HAPLN1: variants seen among roughly 807,000 people sequenced by gnomAD.
HAPLN1 encodes hyaluronan and proteoglycan link protein 1.
A neutral mutation model predicts 36.5 loss-of-function variants in HAPLN1; 13 were observed. The ratio of observed to expected loss-of-function variants is 0.36; its 90% CI spans 0.23 to 0.57. The LOEUF (loss-of-function observed/expected upper bound fraction) is 0.57. Ranked by LOEUF, HAPLN1 falls within the 20% of genes least tolerant of loss-of-function variation. The pLI is 0.83. For missense variants in HAPLN1, 407 were observed against 439.7 expected, an observed-to-expected ratio of 0.93 and a Z score of 0.66; for synonymous variants, 202 against 169.8, an observed-to-expected ratio of 1.19 and a Z score of -1.48.
rs1456164521 is a variant in HAPLN1 at position 83,638,279 on chromosome 5, A to G, written c.*3217T>C. 1 of 151,952 alleles carries G rather than the reference A, an allele frequency of 6.6e-6. No individual in the cohort carries two copies. Among genetic ancestry groups the G allele is most frequent in the Non-Finnish European group, 1.5e-5 (1 of 67,896 alleles). 9.4% of individuals were successfully genotyped at this position (151,952 alleles called of 1,614,324 possible). A position where few individuals can be genotyped will look rare whatever the true frequency, so the allele number is the denominator to read the frequency against. On this transcript the variant is annotated 3_prime_UTR_variant, in exon 5 of 5. Transcript: ENST00000274341. ...CAAAACATTTTTTTTTTGGTAATAC[A>G]GATTGATTCTTCTCCTCAAAGTTAT...
intron 1 of HAPLN1, among the ~76,000 whole-genome samples, chr5:83,694,646 T>C (rs1278859820): frequency 1.3e-5 from 2 of 152,080 alleles, no homozygotes; most frequent in South Asian, 2.1e-4. Context: ...TTAAATGAAA[T>C]GGTGAAATTC....
At chr5:83,663,955 C>T (rs768241367) in intron 2 of HAPLN1, among the ~76,000 whole-genome samples, 2 of 152,112 alleles carry the variant, frequency 1.3e-5, no homozygotes, top group African/African-American at 2.4e-5. Context: ...CCATTATTCA[C>T]ATGGTCTTTT....
chr5:83,662,527 A>C (rs1750433372), intron 2 of HAPLN1, among the ~76,000 whole-genome samples: 1 of 152,220 alleles, frequency 6.6e-6, no homozygotes, highest in Non-Finnish European at 1.5e-5. Context: ...ATAATTATAG[A>C]GTGATTAAAG....
rs1234615839 is a variant in HAPLN1 at position 83,639,897 on chromosome 5, G to A, written c.*1599C>T. 1.3e-5 allele frequency: 2 copies of A among 151,942 alleles called. No individual in the cohort carries two copies. Among genetic ancestry groups the A allele is most frequent in the Admixed American group, 1.3e-4 (2 of 15,256 alleles). 9.4% of individuals were successfully genotyped at this position (151,942 alleles called of 1,614,324 possible). ...ATATGATTATAGTTATGGTTTCATG[G>A]ACTTCCAATTGTTCTATACCTTCCA... On this transcript the variant is annotated 3_prime_UTR_variant, in exon 5 of 5. Coordinates refer to ENST00000274341, the MANE Select transcript of HAPLN1 (RefSeq NM_001884.4).
intron 2 of HAPLN1, among the ~76,000 whole-genome samples, chr5:83,658,903 T>C (rs78095588): frequency 6.6e-6 from 1 of 152,132 alleles, no homozygotes; most frequent in South Asian, 2.1e-4. Flanking sequence ...CTTGAGTCTC[T>C]AGAAAGGAAG....
chr5:83,695,109 GA>G (rs1351546598), intron 1 of HAPLN1, among the ~76,000 whole-genome samples: 3 of 152,084 alleles, frequency 2.0e-5, no homozygotes, highest in African/African-American at 7.2e-5. Flanking sequence ...CTTTATATTA[GA>G]AAATCAATGT....
chr5:83,686,198 T>C (rs1407382938), intron 1 of HAPLN1, among the ~76,000 whole-genome samples: 1 of 147,292 alleles, frequency 6.8e-6, no homozygotes, highest in South Asian at 2.2e-4. Context: ...ATTACCGATC[T>C]CATTTCTTCC....
At chr5:83,654,712 G>A (rs1388986132) in intron 2 of HAPLN1, among the ~76,000 whole-genome samples, 1 of 152,130 alleles carries the variant, frequency 6.6e-6, no homozygotes, top group African/African-American at 2.4e-5. Flanking sequence ...TCTTTCAGTT[G>A]TTTAGTTCAA....
At chr5:83,662,723 T>C (rs151057735) in intron 2 of HAPLN1, among the ~76,000 whole-genome samples, 33 of 152,318 alleles carry the variant, frequency 2.2e-4, no homozygotes, top group African/African-American at 7.9e-4. Flanking sequence ...TCCTTAATTG[T>C]TGGAAATGTG....
chr5:83,698,860 T>C (rs1243340043), intron 1 of HAPLN1, among the ~76,000 whole-genome samples: 2 of 152,212 alleles, frequency 1.3e-5, no homozygotes, highest in Non-Finnish European at 2.9e-5. Flanking sequence ...GAATTTGAAC[T>C]TCATCAGCAT....
intron 4 of HAPLN1, among the ~76,000 whole-genome samples, chr5:83,643,055 G>A (rs535101455): frequency 8.5e-5 from 13 of 152,158 alleles, no homozygotes; most frequent in African/African-American, 2.2e-4. Flanking sequence ...CAGGCACAGC[G>A]GCTCACGTCT....
chr5:83,715,297 A>T (rs1307189497), intron 1 of HAPLN1, among the ~76,000 whole-genome samples: 10 of 152,244 alleles, frequency 6.6e-5, no homozygotes, highest in African/African-American at 2.4e-4. Flanking sequence ...TTCACAATTA[A>T]ATGTAGTCAA....
Position 83,645,475 on chromosome 5 carries a change from C to CT in HAPLN1, c.473-811dup. ...GTGATTTTCTTTTTTCTTTTTCTTT[C>CT]TTTTTTTTTTTTTTTTAGCTCATCA... is the stretch of plus-strand genomic sequence containing the variant. On this transcript the variant is annotated intron_variant, in intron 3 of 4. Coordinates refer to ENST00000274341, the MANE Select transcript of HAPLN1 (RefSeq NM_001884.4). 2.3e-4 allele frequency among the ~76,000 whole-genome samples: 17 copies of CT among 74,334 alleles called. 1 individual carries two copies. The highest frequency in any genetic ancestry group is 1.7e-3 in the East Asian group (5 of 2,990). The allele number at this position is 74,334 out of a possible 152,430, so 48.8% of individuals were successfully genotyped here.
At chr5:83,709,286 A>G (rs148929118) in intron 1 of HAPLN1, among the ~76,000 whole-genome samples, 91 of 152,298 alleles carry the variant, frequency 6.0e-4, no homozygotes, top group African/African-American at 2.2e-3. Context: ...TGTTCTTTTT[A>G]CACAGTAAAT....
chr5:83,713,977 A>T (rs1751853481), intron 1 of HAPLN1, among the ~76,000 whole-genome samples: 1 of 152,210 alleles, frequency 6.6e-6, no homozygotes, highest in Non-Finnish European at 1.5e-5. Context: ...TATAAATTTA[A>T]CAACATTGCT....
At chr5:83,667,170 C>G (rs1056986924) in intron 2 of HAPLN1, among the ~76,000 whole-genome samples, 1 of 152,120 alleles carries the variant, frequency 6.6e-6, no homozygotes, top group East Asian at 1.9e-4. Flanking sequence ...TGCATGGGTG[C>G]AATATATGAG....
intron 1 of HAPLN1, among the ~76,000 whole-genome samples, chr5:83,676,060 T>C (rs994272571): frequency 6.6e-6 from 1 of 152,110 alleles, no homozygotes; most frequent in Non-Finnish European, 1.5e-5. Context: ...GGCAGTCAGG[T>C]GGTATTTTTC....
chr5:83,716,345 G>A (rs958981832), intron 1 of HAPLN1, among the ~76,000 whole-genome samples: 1 of 152,172 alleles, frequency 6.6e-6, no homozygotes, highest in Admixed American at 6.5e-5. Flanking sequence ...TTGAGAACCA[G>A]CCCTTTAACT....
At chr5:83,645,315 G>A (rs913560900) in intron 3 of HAPLN1, among the ~76,000 whole-genome samples, 1 of 151,966 alleles carries the variant, frequency 6.6e-6, no homozygotes, top group Non-Finnish European at 1.5e-5. Flanking sequence ...TTCACTTAGG[G>A]GGGACTCTTA....
Sources: gnomAD v4.1 joint callset for allele counts (sites outside exome capture counted in the v4.1 genomes callset) on GRCh38, gnomAD v4.1.1 for gene constraint, MANE v1.5 for transcripts, NCBI Gene and HGNC (gene_info 2026-07-23, HGNC 2026-07-21) for gene names.